The following ZC3H12C variants were observed in gnomAD, a reference collection of about 807,000 sequenced individuals.
The protein encoded by ZC3H12C is zinc finger CCCH-type containing 12C.
Under a neutral mutation model 76.3 loss-of-function variants are expected in ZC3H12C, and 20 were observed. That is an observed-to-expected ratio of 0.26 (90% CI 0.18 to 0.38). The LOEUF is 0.38. ZC3H12C is among the 10% of genes least tolerant of loss of function. ZC3H12C has a pLI of 1.00. For missense variants in ZC3H12C, 874 were observed against 1,086.5 expected, an observed-to-expected ratio of 0.80 and a Z score of 2.75; for synonymous variants, 352 against 399.6, an observed-to-expected ratio of 0.88 and a Z score of 1.42.
rs73550834 is a variant in ZC3H12C, at chr11:110,133,236, C to A, written c.22-3427C>A. Among the ~76,000 whole-genome samples, 299 of 152,256 alleles carry A rather than the reference C, an allele frequency of 2.0e-3. 2 individuals carry two copies. The highest frequency in any genetic ancestry group is 6.3e-3 in the African/African-American group (261 of 41,566). On this transcript the variant is annotated intron_variant, in intron 1 of 5. Transcript: ENST00000278590. ...GAGATCAAAGTTTTAAAAACCAAAT[C>A]TTTACCATTTGGATCAATACAAATC...
At chr11:110,156,439 A>G (rs1029912426) in intron 3 of ZC3H12C, among the ~76,000 whole-genome samples, 1 of 152,226 alleles carries the variant, frequency 6.6e-6, no homozygotes, top group African/African-American at 2.4e-5. Flanking sequence ...CTGAACCCAT[A>G]TTACTTATGT....
intron 1 of ZC3H12C, among the ~76,000 whole-genome samples, chr11:110,106,471 T>C (rs528120591): frequency 3.9e-5 from 6 of 152,350 alleles, no homozygotes; most frequent in South Asian, 2.1e-4. Flanking sequence ...GAGTTCCTGC[T>C]GTGACACTTG....
In ZC3H12C at chr11:110,137,312, C is replaced by T. The variant is rs1238120031; in HGVS notation, c.671C>T (p.Ser224Phe). Reference sequence around the variant, plus strand: ...AACACTATAACACGGGAAACTTCTTCCCTGGAATCTCAGAGGTCTGAATCT... The same window carrying T: ...AACACTATAACACGGGAAACTTCTTTCCTGGAATCTCAGAGGTCTGAATCT... The part of the protein sequence containing the change: ...TINTITRETS[S>F]LESQRSESPM... The change falls in exon 2 of 6, where the codon TCC becomes TTC. Residue 224 changes from serine (S) to phenylalanine (F), a missense_variant. Physicochemically the swap from Ser to Phe is radical, Grantham distance 155. Coordinates refer to ENST00000278590, the MANE Select transcript of ZC3H12C (RefSeq NM_033390.2). 1.9e-6 allele frequency: 3 copies of T among 1,613,888 alleles called. No individual in the cohort carries two copies. The highest frequency in any genetic ancestry group is 2.2e-5 in the South Asian group (2 of 91,052).
intron 1 of ZC3H12C, among the ~76,000 whole-genome samples, chr11:110,116,301 T>G (rs1861525475): frequency 6.6e-6 from 1 of 152,256 alleles, no homozygotes; most frequent in Admixed American, 6.5e-5. Flanking sequence ...TAATCTTCAA[T>G]AATTTTTTTA....
chr11:110,163,176 A>C (rs1420079617), intron 4 of ZC3H12C, 97 bp from the exon 5 acceptor site: 1 of 1,077,950 alleles, frequency 9.3e-7, no homozygotes, highest in Non-Finnish European at 1.3e-6. Context: ...AATTGCAAAA[A>C]AAATTCCTTA....
At chr11:110,110,269 G>A (rs1035965458) in intron 1 of ZC3H12C, among the ~76,000 whole-genome samples, 1 of 151,992 alleles carries the variant, frequency 6.6e-6, no homozygotes, top group Non-Finnish European at 1.5e-5. Context: ...AAAAATATTT[G>A]AGTTCCTTAA....
intron 1 of ZC3H12C, among the ~76,000 whole-genome samples, chr11:110,128,330 GTCTAAATACCACAGCAGGA>G (rs1861791794): frequency 2.0e-5 from 3 of 152,156 alleles, no homozygotes; most frequent in Admixed American, 1.3e-4. Flanking sequence ...AACCGAGATA[GTCTAAATACCACAGCAGGA>G]TCTGATTAGC....
At chr11:110,110,001 G>A (rs897809521) in intron 1 of ZC3H12C, among the ~76,000 whole-genome samples, 2 of 152,060 alleles carry the variant, frequency 1.3e-5, no homozygotes, top group Admixed American at 1.3e-4. Context: ...AAAAGTTACA[G>A]GCACAAATGT....
chr11:110,149,405 G>A (rs1361386793), intron 2 of ZC3H12C, among the ~76,000 whole-genome samples: 1 of 152,172 alleles, frequency 6.6e-6, no homozygotes, highest in Non-Finnish European at 1.5e-5. Context: ...TTCCTGTGGG[G>A]TTTTACTGTA....
At chr11:110,139,433 T>C (rs1375188043) in intron 2 of ZC3H12C, among the ~76,000 whole-genome samples, 2 of 152,204 alleles carry the variant, frequency 1.3e-5, no homozygotes, top group African/African-American at 2.4e-5. Context: ...TTGTGCCTTA[T>C]ACTGATCATT....
chr11:110,155,667 AT>A (rs976569443), intron 3 of ZC3H12C, among the ~76,000 whole-genome samples: 3 of 152,208 alleles, frequency 2.0e-5, no homozygotes, highest in African/African-American at 7.2e-5. Context: ...TAAAAGGCAG[AT>A]TTTATTTTTG....
chr11:110,106,865 A>G (rs1591458768), intron 1 of ZC3H12C, among the ~76,000 whole-genome samples: 1 of 152,182 alleles, frequency 6.6e-6, no homozygotes, highest in Admixed American at 6.5e-5. Flanking sequence ...ATGACCCAAT[A>G]CTATCAGGGT....
Position 110,147,152 on chromosome 11 carries a change from G to C in ZC3H12C, c.774-5767G>C, listed in dbSNP as rs116273951. 8.8e-3 allele frequency among the ~76,000 whole-genome samples: 1,343 copies of C among 152,298 alleles called. 33 individuals carry two copies. Among genetic ancestry groups the C allele is most frequent in the African/African-American group, 0.03 (1,258 of 41,576 alleles). ...TCCATTAGTCAAACACAGTCGGCCA[G>C]AGCAACTCCATGCAGCAGCCAGTGT... On this transcript the variant is annotated intron_variant, in intron 2 of 5. Transcript: ENST00000278590.
Position 110,159,448 on chromosome 11 carries a change from T to A in ZC3H12C, c.1106T>A (p.Phe369Tyr). The A allele has an allele frequency of 6.2e-7, 1 of 1,613,424 alleles. No homozygotes were observed. Among genetic ancestry groups the A allele is most frequent in the Non-Finnish European group, 8.5e-7 (1 of 1,179,678 alleles). Residue 369 changes from phenylalanine (F) to tyrosine (Y), a missense_variant, in exon 4 of 6, where the codon TTC becomes TAC. By Grantham distance (22) the Phe-to-Tyr change is conservative (BLOSUM62 3). Around this residue, in one of 3 missense-constraint regions of ZC3H12C, gnomAD observed 269 missense variants for 424.9 expected, o/e 0.63. Coordinates refer to ENST00000278590, the MANE Select transcript of ZC3H12C (RefSeq NM_033390.2). ...AATGAGAAGCCAGAATGGAAGAAGT[T>A]CATAGATGAACGATTATTAATGTAT... ...LANEKPEWKKFIDERLLMYSF... is the reference protein window; with the variant it reads ...LANEKPEWKKYIDERLLMYSF...
rs557649547 is a variant in ZC3H12C, at chr11:110,100,145, T to G, written c.21+6713T>G. ...GAGCCACATTATTTTATCCTGATTA[T>G]TCTACAGAGTTTGGCATATAGTAAA... On this transcript the variant is annotated intron_variant, in intron 1 of 5. Coordinates refer to ENST00000278590, the MANE Select transcript of ZC3H12C (RefSeq NM_033390.2). Among the ~76,000 whole-genome samples the G allele has an allele frequency of 4.6e-5, 7 of 152,234 alleles. No homozygotes were observed. The South Asian group carries it at 1.5e-3, about 32-fold the overall frequency.
intron 1 of ZC3H12C, among the ~76,000 whole-genome samples, chr11:110,107,768 C>A (rs539942722): frequency 6.6e-6 from 1 of 152,048 alleles, no homozygotes; most frequent in Non-Finnish European, 1.5e-5. Context: ...TCAAGTGATC[C>A]GCCCACCTTG....
chr11:110,103,757 C>T (rs980244756), intron 1 of ZC3H12C, among the ~76,000 whole-genome samples: 1 of 152,096 alleles, frequency 6.6e-6, no homozygotes, highest in African/African-American at 2.4e-5. Context: ...AGGCGCCCGC[C>T]ACCACACCCA....
intron 1 of ZC3H12C, among the ~76,000 whole-genome samples, chr11:110,113,239 A>T (rs776122318): frequency 6.6e-6 from 1 of 152,170 alleles, no homozygotes; most frequent in Non-Finnish European, 1.5e-5. Flanking sequence ...AAAAATTTTC[A>T]TCTTTTTTTT....
intron 1 of ZC3H12C, among the ~76,000 whole-genome samples, chr11:110,122,796 A>G (rs1362375431): frequency 1.3e-5 from 2 of 152,228 alleles, no homozygotes; most frequent in Non-Finnish European, 2.9e-5. Flanking sequence ...GATACTCAGT[A>G]TGTTTAAATG....
Sources: gnomAD v4.1 joint callset for allele counts (sites outside exome capture counted in the v4.1 genomes callset) on GRCh38, gnomAD v4.1.1 for gene constraint, gnomAD v4.1.1 regional missense constraint, MANE v1.5 for transcripts, NCBI Gene and HGNC (gene_info 2026-07-23, HGNC 2026-07-21) for gene names.